Variants in PCDHGA4 observed in about 807,000 individuals in gnomAD.
PCDHGA4 encodes the protein protocadherin gamma-A4.
PCDHGA4 carries 38 observed loss-of-function variants against 54.6 expected under a neutral mutation model. That is an observed-to-expected ratio of 0.70 (90% CI 0.54 to 0.91). PCDHGA4 has a LOEUF of 0.91. PCDHGA4 is among the 40% of genes least tolerant of loss of function. The pLI is 0.00. For missense variants in PCDHGA4, 1,298 were observed against 1,220.9 expected, an observed-to-expected ratio of 1.06 and a Z score of -0.94; for synonymous variants, 511 against 512.9, an observed-to-expected ratio of 1.00 and a Z score of 0.05.
intron 1 of PCDHGA4, among the ~76,000 whole-genome samples, chr5:141,473,383 C>A (rs976400317): frequency 3.3e-5 from 5 of 152,200 alleles, no homozygotes; most frequent in African/African-American, 9.6e-5. Context: ...GGTCCCTGCC[C>A]TCCTGGAGCT....
chr5:141,408,307 C>T, intron 1 of PCDHGA4: 1 of 1,613,820 alleles, frequency 6.2e-7, no homozygotes, highest in East Asian at 2.2e-5. Flanking sequence ...CGATCCGCTA[C>T]TCGATTCCGG....
Position 141,372,054 on chromosome 5 carries a change from G to T in PCDHGA4, c.2514+14433G>T, listed in dbSNP as rs377450479. On this transcript the variant is annotated intron_variant, in intron 1 of 3. Transcript: ENST00000571252. ...CGTGAGCCTGCGCGTGTTGGTGGAC[G>T]ACCGCAACGACAATGCACCGCTGGT... The T allele has an allele frequency of 7.4e-6, 12 of 1,613,396 alleles. No individual in the cohort carries two copies. In the African/African-American group the frequency reaches 8.0e-5, roughly 11 times the overall value.
chr5:141,489,864 T>G lies in PCDHGA4; in HGVS notation c.2515-4943T>G, dbSNP rs1274301673. ...TGGATCGTGAAGCCCAGGCAAGACA[T>G]CAGCTGGTGCTTACTGCTGTGGATG... On this transcript the variant is annotated intron_variant, in intron 1 of 3. Coordinates refer to ENST00000571252, the MANE Select transcript of PCDHGA4 (RefSeq NM_018917.4). This position sits in a 1 kb window ranked among gnomAD's most constrained non-coding sequence, Gnocchi z 4.5. 5 of 1,614,064 alleles carry G rather than the reference T, an allele frequency of 3.1e-6. No individual in the cohort carries two copies. The highest frequency in any genetic ancestry group is 3.4e-6 in the Non-Finnish European group (4 of 1,180,022).
At chr5:141,429,196 A>T (rs2097195436) in intron 1 of PCDHGA4, 2 of 151,994 alleles carry the variant, frequency 1.3e-5, no homozygotes, top group African/African-American at 4.8e-5. Context: ...ACACACACAC[A>T]CACACACACG....
At chr5:141,450,995 T>G (rs983544118) in intron 1 of PCDHGA4, among the ~76,000 whole-genome samples, 3 of 151,510 alleles carry the variant, frequency 2.0e-5, no homozygotes, top group Non-Finnish European at 4.4e-5. Context: ...CGGCTAATTT[T>G]TTTGTATTTT....
chr5:141,388,676 G>C, intron 1 of PCDHGA4: 1 of 1,613,946 alleles, frequency 6.2e-7, no homozygotes, highest in Non-Finnish European at 8.5e-7. Context: ...TGCTACAGGT[G>C]ACTGCCACGG....
At chr5:141,414,930 C>A (rs561548499) in intron 1 of PCDHGA4, 1 of 1,614,156 alleles carries the variant, frequency 6.2e-7, no homozygotes, top group South Asian at 1.1e-5. Flanking sequence ...CGCCCCGCTC[C>A]GCAGAGCCCG....
chr5:141,387,761 A>C lies in PCDHGA4; in HGVS notation c.2514+30140A>C, dbSNP rs539874780. The C allele has an allele frequency of 9.8e-5, 139 of 1,420,618 alleles. 1 individual carries two copies. The African/African-American group carries it at 1.7e-3, about 17-fold the overall frequency. The allele number at this position is 1,420,618 out of a possible 1,614,324, so 88.0% of individuals were successfully genotyped here. A position where few individuals can be genotyped will look rare whatever the true frequency, so the allele number is the denominator to read the frequency against. On this transcript the variant is annotated intron_variant, in intron 1 of 3. Transcript: ENST00000571252. ...ACACCGCTTCCTCCTCGGAAAAAGA[A>C]GAATTTTTTCTTGAACTGGAACTGC...
At chr5:141,443,209 C>T (rs1183847804) in intron 1 of PCDHGA4, among the ~76,000 whole-genome samples, 2 of 152,030 alleles carry the variant, frequency 1.3e-5, no homozygotes, top group African/African-American at 2.4e-5. Flanking sequence ...GAGCTTGTCT[C>T]GCCAGGCGCA....
rs767197233 is a variant in PCDHGA4, at chr5:141,418,642, C to T, written c.2514+61021C>T. On this transcript the variant is annotated intron_variant, in intron 1 of 3. Coordinates refer to ENST00000571252, the MANE Select transcript of PCDHGA4 (RefSeq NM_018917.4). ...AAGACGTGCCTCCAGGCACCTCCAT[C>T]CTGAGAGTGAAGGCCACTGACCAGG... The T allele has an allele frequency of 2.3e-5, 37 of 1,614,028 alleles. No individual in the cohort carries two copies. In the South Asian group the frequency reaches 3.6e-4, roughly 16 times the overall value.
intron 1 of PCDHGA4, chr5:141,393,872 T>G (rs774307056): frequency 1.2e-6 from 2 of 1,613,898 alleles, no homozygotes; most frequent in Admixed American, 3.3e-5. Flanking sequence ...CGTCTTTGTT[T>G]AGCCCAGTGT....
chr5:141,432,031 C>T lies in PCDHGA4; in HGVS notation c.2515-62776C>T. The T allele has an allele frequency of 6.2e-7, 1 of 1,614,220 alleles. No individual in the cohort carries two copies. Among genetic ancestry groups the T allele is most frequent in the Non-Finnish European group, 8.5e-7 (1 of 1,180,048 alleles). ...CTAGCTACAACATCACAGTGACCGC[C>T]ACTGACCGGGGAACCCCGCCCCTAT... On this transcript the variant is annotated intron_variant, in intron 1 of 3. Coordinates refer to ENST00000571252, the MANE Select transcript of PCDHGA4 (RefSeq NM_018917.4). This position sits in a 1 kb window ranked among gnomAD's most constrained non-coding sequence, Gnocchi z 6.0.
chr5:141,370,392 G>A (rs773955179), intron 1 of PCDHGA4: 5 of 1,544,672 alleles, frequency 3.2e-6, no homozygotes, highest in Non-Finnish European at 4.4e-6. Context: ...CGCAGAGAGC[G>A]GGATGGGAAA....
chr5:141,487,435 A>G lies in PCDHGA4; in HGVS notation c.2515-7372A>G, dbSNP rs776328527. On this transcript the variant is annotated intron_variant, in intron 1 of 3. Transcript: ENST00000571252. The surrounding 1 kb of genome is among the most constrained non-coding windows in gnomAD (Gnocchi z 5.0). ...CCAATGGGATCCTCCGAATCCAGCT[A>G]GGGTCAGATGACCCTATCAAGTTTG... 3.7e-6 allele frequency: 6 copies of G among 1,614,164 alleles called. No individual in the cohort carries two copies. In the South Asian group the frequency reaches 6.6e-5, roughly 18 times the overall value.
At chr5:141,421,880 G>C in intron 1 of PCDHGA4, 1 of 1,613,718 alleles carries the variant, frequency 6.2e-7, no homozygotes, top group Admixed American at 1.7e-5. Flanking sequence ...GCTTTAGATG[G>C]AGGCGATCCC....
In PCDHGA4 at chr5:141,476,316, G is replaced by A. The variant is rs536532455; in HGVS notation, c.2515-18491G>A. On this transcript the variant is annotated intron_variant, in intron 1 of 3. Coordinates refer to ENST00000571252, the MANE Select transcript of PCDHGA4 (RefSeq NM_018917.4). This position sits in a 1 kb window ranked among gnomAD's most constrained non-coding sequence, Gnocchi z 7.6. ...GGTAGCCTCTCAGCCCGCAGGTTCC[G>A]GGTGGTGTCTGGAGCTAGCCGAAGA... is the stretch of plus-strand genomic sequence containing the variant. The A allele has an allele frequency of 6.2e-7, 1 of 1,614,176 alleles. No individual in the cohort carries two copies. The highest frequency in any genetic ancestry group is 1.7e-5 in the Admixed American group (1 of 60,028).
At position 141,485,010 on chromosome 5, in the gene PCDHGA4, C is replaced by T; in HGVS notation, c.2515-9797C>T. 1 of 629,958 alleles carries T rather than the reference C, an allele frequency of 1.6e-6. No homozygotes were observed. The highest frequency in any genetic ancestry group is 2.9e-6 in the Non-Finnish European group (1 of 350,608). 39.0% of individuals were successfully genotyped at this position (629,958 alleles called of 1,614,324 possible). On this transcript the variant is annotated intron_variant, in intron 1 of 3. Coordinates refer to ENST00000571252, the MANE Select transcript of PCDHGA4 (RefSeq NM_018917.4). This position sits in a 1 kb window ranked among gnomAD's most constrained non-coding sequence, Gnocchi z 5.7. ...GTGGTGAAAGGCAGACAAATCTACC[C>T]CGCCACCAGCAAAAACGGCGCGTAA...
At chr5:141,388,628 G>C (rs752578230) in intron 1 of PCDHGA4, 1 of 1,613,780 alleles carries the variant, frequency 6.2e-7, no homozygotes, top group African/African-American at 1.3e-5. Context: ...ACGTATACAG[G>C]GTGAGCCTTT....
rs771867567 is a variant in PCDHGA4 at position 141,419,867 on chromosome 5, G to A, written c.2514+62246G>A. 3.1e-6 allele frequency: 5 copies of A among 1,614,086 alleles called. No homozygotes were observed. In the South Asian group the frequency reaches 5.5e-5, roughly 18 times the overall value. On this transcript the variant is annotated intron_variant, in intron 1 of 3. Transcript: ENST00000571252. Reference sequence around the variant, plus strand: ...CCTGGTGTTCGCAGATAGCTTGCAAGAGGTACTGCCGGATTTCAGCGACCA... The same window carrying A: ...CCTGGTGTTCGCAGATAGCTTGCAAAAGGTACTGCCGGATTTCAGCGACCA...
Sources: gnomAD v4.1 joint callset for allele counts (sites outside exome capture counted in the v4.1 genomes callset) on GRCh38, gnomAD v4.1.1 for gene constraint, Gnocchi (gnomAD v3.1) non-coding constraint, MANE v1.5 for transcripts, NCBI Gene and HGNC (gene_info 2026-07-23, HGNC 2026-07-21) for gene names.